Variants in LANCL1 observed in about 807,000 individuals in gnomAD.
LANCL1 encodes LanC like glutathione S-transferase 1.
Under a neutral mutation model 50.6 loss-of-function variants are expected in LANCL1, and 50 were observed. That is an observed-to-expected ratio of 0.99 (90% CI 0.79 to 1.25). The LOEUF is 1.25. Ranked by LOEUF, LANCL1 falls within the 50% of genes most tolerant of loss-of-function variation. The pLI is 0.00. For missense variants in LANCL1, 532 were observed against 480.7 expected (o/e 1.11, Z -1.00); for synonymous variants, 188 against 178.6 (o/e 1.05, Z -0.42).
chr2:210,459,574 C>T (rs929785474), intron 3 of LANCL1, among the ~76,000 whole-genome samples: 5 of 151,966 alleles, frequency 3.3e-5, no homozygotes, highest in Non-Finnish European at 5.9e-5. Flanking sequence ...GTGGCTGTCG[C>T]GATGGAAATA....
intron 3 of LANCL1, among the ~76,000 whole-genome samples, chr2:210,471,037 C>CGATTT (rs1559722955): frequency 7.0e-6 from 1 of 142,106 alleles, no homozygotes. Flanking sequence ...AACTTTTCTT[C>CGATTT]TTTGATTTTT....
Position 210,434,480 on chromosome 2 carries a change from T to C in LANCL1, c.*7A>G. 1 of 1,610,590 alleles carries C rather than the reference T, an allele frequency of 6.2e-7. No homozygotes were observed. The highest frequency in any genetic ancestry group is 8.5e-7 in the Non-Finnish European group (1 of 1,177,310). Reference sequence around the variant, plus strand: ...ATGCAGTGAGTTGCAGGTGGCATGCTATCCTTTCAGAGTTCAAATGCAGGG... The same window carrying C: ...ATGCAGTGAGTTGCAGGTGGCATGCCATCCTTTCAGAGTTCAAATGCAGGG... On this transcript the variant is annotated 3_prime_UTR_variant, in exon 10 of 10. Transcript: ENST00000450366.
intron 7 of LANCL1, among the ~76,000 whole-genome samples, chr2:210,437,272 T>C (rs1692965084): frequency 6.6e-6 from 1 of 152,240 alleles, no homozygotes; most frequent in Non-Finnish European, 1.5e-5. Flanking sequence ...ATTCTTTTAA[T>C]AGCAGAATAA....
At chr2:210,465,116 C>T (rs1047022927) in intron 3 of LANCL1, among the ~76,000 whole-genome samples, 1 of 152,206 alleles carries the variant, frequency 6.6e-6, no homozygotes, top group Admixed American at 6.5e-5. Context: ...AACTTCTTAG[C>T]CACCTCCTGT....
At chr2:210,461,319 G>C (rs567909691) in intron 3 of LANCL1, among the ~76,000 whole-genome samples, 1 of 152,002 alleles carries the variant, frequency 6.6e-6, no homozygotes, top group Non-Finnish European at 1.5e-5. Flanking sequence ...GGTGGGATAG[G>C]TGCATCTAAT....
At position 210,455,298 on chromosome 2, in the gene LANCL1, G is replaced by A; in HGVS notation, c.216C>T (p.Tyr72=). 1 of 1,538,624 alleles carries A rather than the reference G, an allele frequency of 6.5e-7. No individual in the cohort carries two copies. ...CCCCAAATACATCATAAAGATGTAA[G>A]TAAAGCACAGCAATACCTGAAAAAA... ...YTGWAGIAVL[Y]LHLYDVFGDP... The change falls in exon 4 of 10, where the codon TAC becomes TAT. Residue 72 remains tyrosine (Y), a synonymous_variant. Coordinates refer to ENST00000450366, the MANE Select transcript of LANCL1 (RefSeq NM_006055.3).
chr2:210,450,624 C>T (rs893108243), intron 4 of LANCL1, among the ~76,000 whole-genome samples: 28 of 151,858 alleles, frequency 1.8e-4, no homozygotes, highest in African/African-American at 6.8e-4. Flanking sequence ...CCAGAATCTA[C>T]AAATTTACAA....
rs759084405 is a variant in LANCL1, at chr2:210,476,383, G to A, written c.14C>T (p.Ala5Val). 1 of 1,613,914 alleles carries A rather than the reference G, an allele frequency of 6.2e-7. No individual in the cohort carries two copies. Among genetic ancestry groups the A allele is most frequent in the Non-Finnish European group, 8.5e-7 (1 of 1,179,968 alleles). The change falls in exon 2 of 10, where the codon GCC becomes GTC. Residue 5 changes from alanine (A) to valine (V), a missense_variant. Ala to Val is a moderately conservative substitution (Grantham distance 64). Transcript: ENST00000450366. Reference sequence around the variant, plus strand: ...ATAATCAGCATAAGGATTCGGGAAGGCCCTTTGAGCCATGACGCCGGAAGC... The same window carrying A: ...ATAATCAGCATAAGGATTCGGGAAGACCCTTTGAGCCATGACGCCGGAAGC... MAQR[A>V]FPNPYADYNK...
At chr2:210,440,529 GT>G in intron 6 of LANCL1, 68 bp downstream of exon 6, 1 of 1,429,396 alleles carries the variant, frequency 7.0e-7, no homozygotes, top group East Asian at 2.3e-5. Context: ...TAGAATATCT[GT>G]TTTCTCACCC....
intron 4 of LANCL1, among the ~76,000 whole-genome samples, chr2:210,449,442 C>T (rs1693445300): frequency 6.6e-6 from 1 of 152,144 alleles, no homozygotes; most frequent in Non-Finnish European, 1.5e-5. Flanking sequence ...AAAACCAGCA[C>T]AAAACAAGGA....
Position 210,437,845 on chromosome 2 carries a change from A to G in LANCL1, c.718T>C (p.Leu240=), listed in dbSNP as rs752095672. 5 of 1,604,264 alleles carry G rather than the reference A, an allele frequency of 3.1e-6. No homozygotes were observed. Among genetic ancestry groups the G allele is most frequent in the Non-Finnish European group, 4.2e-6 (5 of 1,176,564 alleles). ...ACACTGGGCTTGACCAAACTATGTA[A>G]CTTCCCTTGGCTCACTTGAAGGCTG... ...QPSLQVSQGK[L]HSLVKPSVDY... Residue 240 remains leucine (L), a synonymous_variant, in exon 7 of 10, where the codon TTA becomes CTA. Transcript: ENST00000450366.
At chr2:210,457,287 A>C (rs946864018) in intron 3 of LANCL1, among the ~76,000 whole-genome samples, 1 of 152,258 alleles carries the variant, frequency 6.6e-6, no homozygotes, top group Non-Finnish European at 1.5e-5. Context: ...TGTCACAGAC[A>C]TTTAATACCT....
chr2:210,469,969 A>ACTT (rs1694176342), intron 3 of LANCL1, among the ~76,000 whole-genome samples: 1 of 148,224 alleles, frequency 6.7e-6, no homozygotes, highest in Admixed American at 6.7e-5. Context: ...TTAACTAGTG[A>ACTT]TTTTTTTTTT....
At chr2:210,466,036 C>A (rs528982704) in intron 3 of LANCL1, among the ~76,000 whole-genome samples, 1 of 152,332 alleles carries the variant, frequency 6.6e-6, no homozygotes, top group South Asian at 2.1e-4. Flanking sequence ...AGATGAGCAC[C>A]AGCTGCCAAT....
At chr2:210,438,765 A>G (rs1693027075) in intron 6 of LANCL1, among the ~76,000 whole-genome samples, 1 of 152,204 alleles carries the variant, frequency 6.6e-6, no homozygotes, top group South Asian at 2.1e-4. Flanking sequence ...TTATTTTGAC[A>G]TAACAACGTA....
intron 3 of LANCL1, among the ~76,000 whole-genome samples, chr2:210,469,899 G>T (rs1160999070): frequency 6.6e-6 from 1 of 151,344 alleles, no homozygotes; most frequent in African/African-American, 2.4e-5. Context: ...ATAATAATAT[G>T]AGTACATGTG....
chr2:210,476,448 A>G (rs560450360), intron 1 of LANCL1, 36 bp from the exon 2 acceptor site: 140 of 1,581,894 alleles, frequency 8.9e-5, no homozygotes, highest in Non-Finnish European at 1.1e-4. Flanking sequence ...CTAGGTTGAG[A>G]TAGGGGCCTC....
At chr2:210,477,384 A>G (rs2105935738), upstream of LANCL1, 1 of 425,908 alleles carries the variant, frequency 2.3e-6, no homozygotes. Context: ...CACAACATTC[A>G]ATTTCAATGT....
chr2:210,442,991 C>T (rs893876716), intron 4 of LANCL1, among the ~76,000 whole-genome samples: 1 of 152,218 alleles, frequency 6.6e-6, no homozygotes, highest in Non-Finnish European at 1.5e-5. Flanking sequence ...AATTTCCCCA[C>T]AGATTGGAGG....
Sources: gnomAD v4.1 joint callset for allele counts (sites outside exome capture counted in the v4.1 genomes callset) on GRCh38, gnomAD v4.1.1 for gene constraint, MANE v1.5 for transcripts, NCBI Gene and HGNC (gene_info 2026-07-23, HGNC 2026-07-21) for gene names.